The following ARHGEF3 variants were observed in gnomAD, a reference collection of about 807,000 sequenced individuals.
ARHGEF3 encodes Rho guanine nucleotide exchange factor 3.
ARHGEF3 carries 28 observed loss-of-function variants against 63.2 expected under a neutral mutation model. That is an observed-to-expected ratio of 0.44 (90% CI 0.33 to 0.61). The LOEUF (loss-of-function observed/expected upper bound fraction) is 0.61, where lower values mean the gene tolerates loss of function less well. ARHGEF3 is among the 20% of genes least tolerant of loss of function. The pLI is 0.03. For missense variants in ARHGEF3, 533 were observed against 659.3 expected (o/e 0.81, Z 2.10); for synonymous variants, 266 against 254.2 (o/e 1.05, Z -0.44).
intron 1 of ARHGEF3, among the ~76,000 whole-genome samples, chr3:57,058,747 G>A (rs957524427): frequency 6.6e-6 from 1 of 152,050 alleles, no homozygotes; most frequent in Admixed American, 6.5e-5. Context: ...CCAACCCAAT[G>A]TCCAACAATG....
At chr3:56,887,265 A>T (rs757510203) in intron 3 of ARHGEF3, among the ~76,000 whole-genome samples, 1 of 152,188 alleles carries the variant, frequency 6.6e-6, no homozygotes, top group Non-Finnish European at 1.5e-5. Flanking sequence ...CACAATTAGC[A>T]ACATGTGCTG....
chr3:57,042,675 TA>T lies in ARHGEF3; in HGVS notation c.-27-7500del, dbSNP rs1704248517. 9.4e-3 allele frequency among the ~76,000 whole-genome samples: 389 copies of T among 41,356 alleles called. 31 individuals are homozygous for T. The highest frequency in any genetic ancestry group is 0.035 in the Admixed American group (110 of 3,174). The allele number at this position is 41,356 out of a possible 152,430, so 27.1% of individuals were successfully genotyped here. On this transcript the variant is annotated intron_variant, in intron 1 of 12. Coordinates refer to the ARHGEF3 transcript ENST00000338458. ...AAATATATATATATATATATATATA[TA>T]TATATATATATATATATATATATAT...
At chr3:56,996,868 C>CATT (rs369182475) in intron 2 of ARHGEF3, among the ~76,000 whole-genome samples, 20,569 of 138,970 alleles carry the variant, frequency 0.15, 1,645 homozygotes, top group Non-Finnish European at 0.16. Context: ...TTTCTTAAAA[C>CATT]ATTATTATTA....
intron 3 of ARHGEF3, among the ~76,000 whole-genome samples, chr3:56,934,894 C>G (rs1417578468): frequency 6.6e-6 from 1 of 152,266 alleles, no homozygotes; most frequent in Non-Finnish European, 1.5e-5. Context: ...TGCAGCCCCG[C>G]TGCGGGATCC....
chr3:56,816,473 C>T (rs1015725558), intron 4 of ARHGEF3, among the ~76,000 whole-genome samples: 3 of 152,228 alleles, frequency 2.0e-5, no homozygotes, highest in African/African-American at 7.2e-5. Context: ...TCTCTAGCAT[C>T]TGTTTCCCCT....
chr3:57,073,748 C>T (rs1325238060), intron 1 of ARHGEF3: 1 of 1,614,086 alleles, frequency 6.2e-7, no homozygotes, highest in African/African-American at 1.3e-5. Context: ...CAGGAGACAC[C>T]TGGGAAATGA....
At chr3:56,866,362 AG>A (rs2108208106) in intron 4 of ARHGEF3, among the ~76,000 whole-genome samples, 1 of 152,324 alleles carries the variant, frequency 6.6e-6, no homozygotes, top group African/African-American at 2.4e-5. Flanking sequence ...CTAAACACAC[AG>A]GGTAAAAGGG....
At position 57,002,462 on chromosome 3, in the gene ARHGEF3, C is replaced by CTATA. The variant is rs1165862414; in HGVS notation, c.62+32622_62+32625dup. On this transcript the variant is annotated intron_variant, in intron 2 of 12. Transcript: ENST00000338458. ...TATATGCCAGGCACTGTTCTAAGCA[C>CTATA]TATATATATATATATGTTATATATA... Among the ~76,000 whole-genome samples, 47 of 38,670 alleles carry CTATA rather than the reference C, an allele frequency of 1.2e-3. 2 individuals are homozygous for CTATA. Among genetic ancestry groups the CTATA allele is most frequent in the East Asian group, 6.2e-3 (7 of 1,126 alleles). The allele number at this position is 38,670 out of a possible 152,430, so 25.4% of individuals were successfully genotyped here.
intron 1 of ARHGEF3, among the ~76,000 whole-genome samples, chr3:56,790,185 C>T (rs913687309): frequency 1.3e-5 from 2 of 152,214 alleles, no homozygotes; most frequent in African/African-American, 4.8e-5. Flanking sequence ...AAGCAAGCTC[C>T]TGTTCCTCGA....
chr3:56,835,726 C>T (rs538195335), intron 4 of ARHGEF3, among the ~76,000 whole-genome samples: 19 of 152,268 alleles, frequency 1.2e-4, no homozygotes, highest in Middle Eastern at 3.4e-3. Context: ...CCTCTCTCCC[C>T]CTTTTCATAC....
At chr3:56,912,253 CTG>C (rs1446093725) in intron 3 of ARHGEF3, among the ~76,000 whole-genome samples, 5 of 152,190 alleles carry the variant, frequency 3.3e-5, no homozygotes, top group Non-Finnish European at 7.3e-5. Flanking sequence ...AGTGGGGAAA[CTG>C]AGTCCAGAGA....
chr3:57,068,984 T>C (rs1456360020), intron 1 of ARHGEF3, among the ~76,000 whole-genome samples: 1 of 151,612 alleles, frequency 6.6e-6, no homozygotes, highest in Non-Finnish European at 1.5e-5. Flanking sequence ...TGCTATGACG[T>C]GATCTTGGCT....
At chr3:56,926,142 C>T (rs2042268933) in intron 3 of ARHGEF3, among the ~76,000 whole-genome samples, 1 of 152,188 alleles carries the variant, frequency 6.6e-6, no homozygotes, top group Admixed American at 6.5e-5. Flanking sequence ...CTCAGGGTCT[C>T]CCCAATGACA....
intron 3 of ARHGEF3, among the ~76,000 whole-genome samples, chr3:56,948,784 C>G (rs1474589925): frequency 6.6e-6 from 1 of 152,018 alleles, no homozygotes; most frequent in Non-Finnish European, 1.5e-5. Flanking sequence ...TTTTATGAGG[C>G]CAGCATCATC....
In ARHGEF3 at chr3:56,729,300, T is replaced by C. The variant is rs1565377; in HGVS notation, c.1551A>G (p.Gly517=). The change falls in exon 10 of 10, where the codon GGA becomes GGG. Residue 517 remains glycine, a synonymous_variant. Transcript: ENST00000296315. Reference sequence around the variant, plus strand: ...CGTTACTTTCACCGTGCCTGCTGTTTCCACAGGAAGAGTCTGTCTGTTCCA... The same window carrying C: ...CGTTACTTTCACCGTGCCTGCTGTTCCCACAGGAAGAGTCTGTCTGTTCCA... The part of the protein sequence containing the change: ...ERMEQTDSSC[G]NSRHGESNV 0.48 allele frequency: 779,652 copies of C among 1,612,834 alleles called. 202,738 individuals carry two copies. The highest frequency in any genetic ancestry group is 0.82 in the African/African-American group (61,245 of 74,952).
intron 8 of ARHGEF3, among the ~76,000 whole-genome samples, chr3:56,734,346 G>T (rs7431479): frequency 0.18 from 26,970 of 152,106 alleles, 2,830 homozygotes; most frequent in South Asian, 0.44. Context: ...AGGAGAGGTT[G>T]TCACTTGTAA....
At chr3:56,744,727 G>A (rs2034272442) in intron 7 of ARHGEF3, among the ~76,000 whole-genome samples, 1 of 152,090 alleles carries the variant, frequency 6.6e-6, no homozygotes, top group Non-Finnish European at 1.5e-5. Context: ...AACATTTGCT[G>A]AGTGAGGATC....
chr3:56,938,079 T>G (rs1376162840), intron 3 of ARHGEF3, among the ~76,000 whole-genome samples: 2 of 152,202 alleles, frequency 1.3e-5, no homozygotes, highest in Non-Finnish European at 2.9e-5. Flanking sequence ...AGGGGTCAGG[T>G]GCTGGTGGTC....
intron 2 of ARHGEF3, among the ~76,000 whole-genome samples, chr3:56,974,957 C>T (rs1341550992): frequency 6.6e-6 from 1 of 152,150 alleles, no homozygotes; most frequent in Non-Finnish European, 1.5e-5. Flanking sequence ...CTGAGGGCCC[C>T]TCCTCCTTGT....
Sources: allele counts gnomAD v4.1 joint callset (sites outside exome capture counted in the v4.1 genomes callset), GRCh38; gene constraint gnomAD v4.1.1; transcripts MANE v1.5; gene names NCBI Gene and HGNC (gene_info 2026-07-23, HGNC 2026-07-21).